Variants in PRKG1 observed in about 807,000 individuals in gnomAD.
PRKG1 encodes the protein protein kinase cGMP-dependent 1.
Under a neutral mutation model 88.1 loss-of-function variants are expected in PRKG1, and 35 were observed. The observed-to-expected ratio is 0.40, with a 90% CI of 0.30 to 0.53. The LOEUF is 0.53. Among genes scored for constraint, PRKG1 ranks in the 20% least tolerant of loss-of-function variants. The pLI is 0.59. For synonymous variants in PRKG1, 303 were observed against 292.5 expected (o/e 1.04, Z -0.37); for missense variants, 540 against 839.8 (o/e 0.64, Z 4.41).
intron 2 of PRKG1, among the ~76,000 whole-genome samples, chr10:51,442,606 C>T (rs944940180): frequency 3.9e-5 from 6 of 151,912 alleles, no homozygotes; most frequent in African/African-American, 1.4e-4. Flanking sequence ...AGTCATTGTA[C>T]TTATAGGTGG....
chr10:52,190,053 C>T (rs965177921), intron 9 of PRKG1, among the ~76,000 whole-genome samples: 1 of 152,144 alleles, frequency 6.6e-6, no homozygotes, highest in Admixed American at 6.5e-5. Context: ...ATAGGATAAG[C>T]CCCTGCTTAT....
At chr10:52,224,593 CCA>C (rs1491077440) in intron 9 of PRKG1, among the ~76,000 whole-genome samples, 1 of 46,922 alleles carries the variant, frequency 2.1e-5, no homozygotes, top group Admixed American at 2.7e-4. Context: ...ATCCTTCGCC[CCA>C]CCTCCGACTC....
At chr10:51,639,532 T>C (rs1839747108) in intron 3 of PRKG1, among the ~76,000 whole-genome samples, 1 of 147,610 alleles carries the variant, frequency 6.8e-6, no homozygotes, top group Non-Finnish European at 1.5e-5. Context: ...AAGGCACTAT[T>C]TAAAAGCTAA....
At chr10:51,487,505 A>AGGT (rs1265920006) in intron 3 of PRKG1, among the ~76,000 whole-genome samples, 2 of 152,156 alleles carry the variant, frequency 1.3e-5, no homozygotes, top group Non-Finnish European at 2.9e-5. Context: ...GCGGTAGTTG[A>AGGT]GGTGGATGTG....
At chr10:52,000,085 C>T (rs1429266453) in intron 5 of PRKG1, among the ~76,000 whole-genome samples, 1 of 151,946 alleles carries the variant, frequency 6.6e-6, no homozygotes, top group East Asian at 1.9e-4. Context: ...TTCACTCACA[C>T]CCTTTCCATT....
Position 52,257,166 on chromosome 10 carries a change from A to G in PRKG1, c.1173+5500A>G, listed in dbSNP as rs186803935. Among the ~76,000 whole-genome samples the G allele has an allele frequency of 3.6e-5, 5 of 139,398 alleles. 1 individual carries two copies. The highest frequency in any genetic ancestry group is 6.5e-5 in the Non-Finnish European group (4 of 61,646). 91.5% of individuals were successfully genotyped at this position (139,398 alleles called of 152,430 possible). On this transcript the variant is annotated intron_variant, in intron 10 of 17. Transcript: ENST00000373980. ...AACCACATAACTGGATTGCCCAGGAAAAGAAAATGTGGTAGTCGCGAGAAC... is the reference window on the plus strand; with the variant it reads ...AACCACATAACTGGATTGCCCAGGAGAAGAAAATGTGGTAGTCGCGAGAAC...
rs1841307335 is a variant in PRKG1, at chr10:52,256,334, T to C, written c.1173+4668T>C. 2.2e-5 allele frequency among the ~76,000 whole-genome samples: 3 copies of C among 138,732 alleles called. 1 individual carries two copies. Among genetic ancestry groups the C allele is most frequent in the African/African-American group, 7.5e-5 (3 of 40,104 alleles). The allele number at this position is 138,732 out of a possible 152,430, so 91.0% of individuals were successfully genotyped here. ...CCCCTTTCTCTAAATCCTTTTCTGC[T>C]CCTAGTTTAATGGCAAAATACCTGC... On this transcript the variant is annotated intron_variant, in intron 10 of 17. Transcript: ENST00000373980.
intron 5 of PRKG1, among the ~76,000 whole-genome samples, chr10:51,974,074 A>T (rs532747439): frequency 1.3e-5 from 2 of 152,290 alleles, no homozygotes; most frequent in South Asian, 4.1e-4. Flanking sequence ...ATGAGCAATT[A>T]TGACTGAGAC....
At chr10:51,136,466 T>A (rs985330320) in intron 1 of PRKG1, among the ~76,000 whole-genome samples, 3 of 151,814 alleles carry the variant, frequency 2.0e-5, no homozygotes, top group Non-Finnish European at 4.4e-5. Context: ...GAAAAGATTT[T>A]AAAAAGTTTA....
chr10:51,922,672 T>C (rs1334081457), intron 5 of PRKG1, among the ~76,000 whole-genome samples: 8 of 151,998 alleles, frequency 5.3e-5, no homozygotes, highest in Non-Finnish European at 1.0e-4. Context: ...ATTTTAAAAA[T>C]GTGTTGTTTA....
chr10:51,075,322 T>C (rs905437578), intron 1 of PRKG1, among the ~76,000 whole-genome samples: 4 of 152,216 alleles, frequency 2.6e-5, no homozygotes, highest in Non-Finnish European at 4.4e-5. Flanking sequence ...GAAATGCGTC[T>C]GATCACCCAT....
chr10:51,592,619 A>G (rs1451384343), intron 3 of PRKG1, among the ~76,000 whole-genome samples: 1 of 152,148 alleles, frequency 6.6e-6, no homozygotes, highest in Non-Finnish European at 1.5e-5. Context: ...CAGACACCAT[A>G]CATTCATAAA....
At chr10:52,161,285 C>T (rs1838269481) in intron 8 of PRKG1, among the ~76,000 whole-genome samples, 1 of 151,996 alleles carries the variant, frequency 6.6e-6, no homozygotes, top group Non-Finnish European at 1.5e-5. Flanking sequence ...ATCATTCCTC[C>T]TGTTATATGC....
chr10:51,226,947 A>T (rs1286060011), intron 2 of PRKG1, among the ~76,000 whole-genome samples: 1 of 152,138 alleles, frequency 6.6e-6, no homozygotes, highest in African/African-American at 2.4e-5. Context: ...CAACAATTGG[A>T]CAAGCCCACC....
At chr10:51,745,292 G>T (rs1837548022) in intron 3 of PRKG1, among the ~76,000 whole-genome samples, 1 of 152,008 alleles carries the variant, frequency 6.6e-6, no homozygotes. Flanking sequence ...CTCATTAGGT[G>T]CCATGATGTT....
intron 2 of PRKG1, among the ~76,000 whole-genome samples, chr10:51,337,396 C>A (rs1402895104): frequency 6.6e-6 from 1 of 151,956 alleles, no homozygotes; most frequent in Non-Finnish European, 1.5e-5. Flanking sequence ...GCAAAAAAAG[C>A]AAAAATTGAC....
At chr10:51,999,565 T>G (rs773951965) in intron 5 of PRKG1, among the ~76,000 whole-genome samples, 47 of 152,160 alleles carry the variant, frequency 3.1e-4, no homozygotes, top group Non-Finnish European at 6.3e-4. Flanking sequence ...AATTAATGAA[T>G]AGGTATTCTG....
At chr10:51,195,676 T>C (rs1837744432) in intron 2 of PRKG1, among the ~76,000 whole-genome samples, 4 of 152,194 alleles carry the variant, frequency 2.6e-5, no homozygotes, top group Admixed American at 6.6e-5. Context: ...ATCTTAGCTC[T>C]CCATTTCTTT....
At chr10:51,604,950 G>A (rs1838720250) in intron 3 of PRKG1, among the ~76,000 whole-genome samples, 1 of 152,222 alleles carries the variant, frequency 6.6e-6, no homozygotes, top group Admixed American at 6.5e-5. Flanking sequence ...CAATGTACTG[G>A]AAGAATCAGA....
Sources: gnomAD v4.1 joint callset for allele counts (sites outside exome capture counted in the v4.1 genomes callset) on GRCh38, gnomAD v4.1.1 for gene constraint, MANE v1.5 for transcripts, NCBI Gene and HGNC (gene_info 2026-07-23, HGNC 2026-07-21) for gene names.